Variants in COMMD1 observed in about 807,000 individuals in gnomAD.
COMMD1 encodes the protein COMM domain-containing protein 1.
A neutral mutation model predicts 17.2 loss-of-function variants in COMMD1; 10 were observed. That is an observed-to-expected ratio of 0.58 (90% confidence interval 0.36 to 0.99). COMMD1 has a LOEUF of 0.99. Among genes scored for constraint, COMMD1 ranks in the 50% least tolerant of loss-of-function variants. The pLI is 0.01. For missense variants in COMMD1, 270 were observed against 231.8 expected (o/e 1.17, Z -1.07); for synonymous variants, 97 against 91.6 (o/e 1.06, Z -0.34).
chr2:61,964,850 C>T (rs1671465792), intron 1 of COMMD1, among the ~76,000 whole-genome samples: 1 of 151,830 alleles, frequency 6.6e-6, no homozygotes, highest in Admixed American at 6.6e-5. Context: ...TCTAGCCTGG[C>T]CAACATGGTG....
intron 2 of COMMD1, among the ~76,000 whole-genome samples, chr2:62,091,533 G>T (rs1026692800): frequency 1.8e-4 from 27 of 152,264 alleles, no homozygotes; most frequent in Non-Finnish European, 3.8e-4. Flanking sequence ...TAGGTGAGTG[G>T]AGGGTACATC....
Position 62,104,009 on chromosome 2 carries a change from A to G in COMMD1, c.463-31822A>G, listed in dbSNP as rs541957535. On this transcript the variant is annotated intron_variant, in intron 2 of 2. Transcript: ENST00000311832. Reference sequence around the variant, plus strand: ...ACACATGCCACCACACTCGGCTAATATTTGTATTTTTTGTATAGTCAGGGT... The same window carrying G: ...ACACATGCCACCACACTCGGCTAATGTTTGTATTTTTTGTATAGTCAGGGT... Among the ~76,000 whole-genome samples, 10 of 151,842 alleles carry G rather than the reference A, an allele frequency of 6.6e-5. No homozygotes were observed. The South Asian group carries it at 2.1e-3, about 31-fold the overall frequency.
At chr2:61,973,038 C>CT (rs1383393254) in intron 1 of COMMD1, among the ~76,000 whole-genome samples, 3 of 151,844 alleles carry the variant, frequency 2.0e-5, no homozygotes, top group Non-Finnish European at 4.4e-5. Flanking sequence ...CTGCAATTTG[C>CT]TTTTTTTGTT....
chr2:61,930,617 TTGTGTGTGTGTGTGTGTGTGTGTGTG>T (rs59488185), intron 1 of COMMD1, among the ~76,000 whole-genome samples: 1 of 146,056 alleles, frequency 6.8e-6, no homozygotes, highest in African/African-American at 2.5e-5. Flanking sequence ...CCACAGGGTT[TTGTGTGTGTGTGTGTGTGTGTGTGTG>T]TGTGTGTGTG....
At chr2:62,078,121 A>G (rs555654432) in intron 2 of COMMD1, among the ~76,000 whole-genome samples, 7 of 151,900 alleles carry the variant, frequency 4.6e-5, no homozygotes, top group African/African-American at 1.7e-4. Flanking sequence ...TAAAAATACA[A>G]AAAATTAGCT....
chr2:62,074,883 G>GTTTT (rs570489051), intron 2 of COMMD1, among the ~76,000 whole-genome samples: 21 of 110,494 alleles, frequency 1.9e-4, no homozygotes, highest in African/African-American at 2.8e-4. Context: ...TGTTTGTGTG[G>GTTTT]TTTTTTTTTT....
At chr2:62,104,024 A>G (rs924986762) in intron 2 of COMMD1, among the ~76,000 whole-genome samples, 1 of 151,990 alleles carries the variant, frequency 6.6e-6, no homozygotes, top group Non-Finnish European at 1.5e-5. Context: ...TATTTTTTGT[A>G]TAGTCAGGGT....
chr2:61,908,098 C>G (rs1669816872), intron 1 of COMMD1, among the ~76,000 whole-genome samples: 1 of 152,082 alleles, frequency 6.6e-6, no homozygotes, highest in Non-Finnish European at 1.5e-5. Flanking sequence ...GAGTAGGCAA[C>G]AGAAGATTTG....
intron 2 of COMMD1, among the ~76,000 whole-genome samples, chr2:62,023,701 T>G (rs1346390730): frequency 6.6e-6 from 1 of 152,194 alleles, no homozygotes; most frequent in African/African-American, 2.4e-5. Context: ...GCCAGGCTGG[T>G]ATCAAACTCT....
chr2:61,983,036 G>C (rs1436834906), intron 1 of COMMD1, among the ~76,000 whole-genome samples: 2 of 152,084 alleles, frequency 1.3e-5, no homozygotes, highest in African/African-American at 4.8e-5. Context: ...TACTGGCCTT[G>C]TAGAATAAAT....
chr2:61,892,694 CAAAAA>C (rs58162146), intron 1 of COMMD1, among the ~76,000 whole-genome samples: 2 of 110,626 alleles, frequency 1.8e-5, no homozygotes, highest in East Asian at 5.1e-4. Context: ...AACTCTGTCT[CAAAAA>C]AAAAAAAAAG....
chr2:62,130,169 AC>A (rs1295987460), intron 2 of COMMD1, among the ~76,000 whole-genome samples: 116 of 150,552 alleles, frequency 7.7e-4, no homozygotes, highest in African/African-American at 2.4e-3. Flanking sequence ...AAAAAAAAAA[AC>A]AAACAAAAAA....
At chr2:62,080,823 A>G (rs1292499095) in intron 2 of COMMD1, among the ~76,000 whole-genome samples, 9 of 148,160 alleles carry the variant, frequency 6.1e-5, no homozygotes, top group Admixed American at 6.0e-4. Context: ...GCTATATTAT[A>G]TATATTACTC....
chr2:62,074,591 G>C (rs992479181), intron 2 of COMMD1, among the ~76,000 whole-genome samples: 2 of 152,134 alleles, frequency 1.3e-5, no homozygotes, highest in African/African-American at 4.8e-5. Flanking sequence ...CAGTATGCAG[G>C]GTTTCTGCTT....
In COMMD1 at chr2:62,068,502, G is replaced by T. The variant is rs920539922; in HGVS notation, c.463-67329G>T. 6.7e-4 allele frequency among the ~76,000 whole-genome samples: 102 copies of T among 151,986 alleles called. 2 individuals are homozygous for T. The highest frequency in any genetic ancestry group is 2.2e-3 in the African/African-American group (92 of 41,374). ...TTCATCAAAATTAAAAACTTCTGCT[G>T]GAGTTCAAAATGACTGCTGAAAGTT... On this transcript the variant is annotated intron_variant, in intron 2 of 2. Coordinates refer to ENST00000311832, the MANE Select transcript of COMMD1 (RefSeq NM_152516.4).
intron 2 of COMMD1, among the ~76,000 whole-genome samples, chr2:62,076,215 T>G (rs1573153036): frequency 6.6e-6 from 1 of 151,458 alleles, no homozygotes; most frequent in Non-Finnish European, 1.5e-5. Flanking sequence ...GATGCAATAA[T>G]GAATCAGATT....
intron 2 of COMMD1, among the ~76,000 whole-genome samples, chr2:62,108,756 A>G (rs186589135): frequency 6.6e-6 from 1 of 152,306 alleles, no homozygotes; most frequent in East Asian, 1.9e-4. Flanking sequence ...CGAAGGTGGC[A>G]TATTTTGGGG....
At chr2:61,956,346 TATAGTA>T (rs1311175773) in intron 1 of COMMD1, among the ~76,000 whole-genome samples, 2 of 152,326 alleles carry the variant, frequency 1.3e-5, no homozygotes, top group East Asian at 3.9e-4. Context: ...TAATATCACA[TATAGTA>T]GATAGAATAA....
intron 2 of COMMD1, among the ~76,000 whole-genome samples, chr2:62,096,774 T>C (rs1229787323): frequency 6.6e-6 from 1 of 152,238 alleles, no homozygotes; most frequent in East Asian, 1.9e-4. Flanking sequence ...TTGTAATTTA[T>C]CTTTTGACAC....
Sources: gnomAD v4.1 joint callset for allele counts (sites outside exome capture counted in the v4.1 genomes callset) on GRCh38, gnomAD v4.1.1 for gene constraint, MANE v1.5 for transcripts, NCBI Gene and HGNC (gene_info 2026-07-23, HGNC 2026-07-21) for gene names.